TTC7A: variants seen among roughly 807,000 people sequenced by gnomAD.
TTC7A encodes the protein tetratricopeptide repeat protein 7A.
TTC7A carries 110 observed loss-of-function variants against 103.7 expected under a neutral mutation model. The observed-to-expected ratio is 1.06, with a 90% CI of 0.91 to 1.24. The LOEUF is 1.24. TTC7A is among the 50% of genes most tolerant of loss of function. The pLI is 0.00. For missense variants in TTC7A, 1,340 were observed against 1,116.3 expected, an observed-to-expected ratio of 1.20 and a Z score of -2.86; for synonymous variants, 521 against 467.9, an observed-to-expected ratio of 1.11 and a Z score of -1.47.
intron 19 of TTC7A, among the ~76,000 whole-genome samples, chr2:47,071,788 C>G (rs1270088950): frequency 6.6e-6 from 1 of 152,196 alleles, no homozygotes; most frequent in African/African-American, 2.4e-5. Flanking sequence ...TTCCCAAACA[C>G]CCACATACTT....
At chr2:46,922,934 C>A (rs1259676188) in intron 2 of TTC7A, among the ~76,000 whole-genome samples, 1 of 152,232 alleles carries the variant, frequency 6.6e-6, no homozygotes, top group African/African-American at 2.4e-5. Flanking sequence ...AAACATCTGA[C>A]TGAATAGCTT....
chr2:47,050,024 T>A lies in TTC7A; in HGVS notation c.1995T>A (p.Pro665=). The A allele has an allele frequency of 6.2e-7, 1 of 1,614,054 alleles. No individual in the cohort carries two copies. Among genetic ancestry groups the A allele is most frequent in the Non-Finnish European group, 8.5e-7 (1 of 1,179,930 alleles). Residue 665 remains proline (P), a synonymous_variant, in exon 17 of 20, where the codon CCT becomes CCA. Coordinates refer to ENST00000319190, the MANE Select transcript of TTC7A (RefSeq NM_020458.4). ...AGAGTGGCATGCACCTGACTTTGCC[T>A]GATGCCCATGATGCAGACTCTGGTA... is the stretch of plus-strand genomic sequence containing the variant. ...KKQSGMHLTL[P]DAHDADSGSR...
rs184730897 is a variant in TTC7A, at chr2:47,046,805, T to C, written c.1919+374T>C. 27 of 254,538 alleles carry C rather than the reference T, an allele frequency of 1.1e-4. No homozygotes were observed. In the East Asian group the frequency reaches 2.4e-3, roughly 23 times the overall value. 15.8% of individuals were successfully genotyped at this position (254,538 alleles called of 1,614,324 possible). ...AGGAAACTCAGACACAGAGACTTTA[T>C]ATATAGCTTACCAGAATCACTCGCC... On this transcript the variant is annotated intron_variant, in intron 16 of 19. Coordinates refer to ENST00000319190, the MANE Select transcript of TTC7A (RefSeq NM_020458.4).
intron 11 of TTC7A, among the ~76,000 whole-genome samples, chr2:47,013,600 T>G (rs1408174999): frequency 6.6e-6 from 1 of 152,198 alleles, no homozygotes; most frequent in African/African-American, 2.4e-5. Flanking sequence ...CGGCCGCCCT[T>G]GCCAGGAAGC....
intron 16 of TTC7A, chr2:47,046,755 A>G: frequency 6.5e-6 from 2 of 307,992 alleles, no homozygotes; most frequent in Non-Finnish European, 1.2e-5. Context: ...CTTATGCATT[A>G]TCAGATTTTA....
chr2:46,996,183 G>A (rs1218107991), intron 8 of TTC7A, among the ~76,000 whole-genome samples: 2 of 152,226 alleles, frequency 1.3e-5, no homozygotes, highest in African/African-American at 4.8e-5. Flanking sequence ...GTAAGATGAA[G>A]GATGGACTGG....
At chr2:46,981,718 A>G (rs1674484292) in intron 5 of TTC7A, among the ~76,000 whole-genome samples, 1 of 152,226 alleles carries the variant, frequency 6.6e-6, no homozygotes, top group Non-Finnish European at 1.5e-5. Flanking sequence ...TGGGACTGCC[A>G]GGGGAGCATT....
rs1012084662 is a variant in TTC7A at position 46,993,607 on chromosome 2, C to T, written c.843+79C>T. 230 of 1,404,454 alleles carry T rather than the reference C, an allele frequency of 1.6e-4. 1 individual carries two copies. The South Asian group carries it at 2.6e-3, about 16-fold the overall frequency. The allele number at this position is 1,404,454 out of a possible 1,614,324, so 87.0% of individuals were successfully genotyped here. On this transcript the variant is annotated intron_variant, in intron 6 of 19. Transcript: ENST00000319190. Reference sequence around the variant, plus strand: ...GACAACAGAAGTCCTTGCAGGGAGCCTGTGAAGCAGGGGTGGCAGTAGGTC... The same window carrying T: ...GACAACAGAAGTCCTTGCAGGGAGCTTGTGAAGCAGGGGTGGCAGTAGGTC...
rs144690060 is a variant in TTC7A at position 47,005,993 on chromosome 2, C to T, written c.1137C>T (p.Ala379=). ...ACCGGACAGTGAGCTTGCAGAATGC[C>T]GCAGCCATCTATGACCTCCTGAGCA... ...EEDRTVSLQN[A]AAIYDLLSIT... The change falls in exon 9 of 20, where the codon GCC becomes GCT. Residue 379 remains alanine, a synonymous_variant. Transcript: ENST00000319190. The T allele has an allele frequency of 7.9e-5, 127 of 1,613,780 alleles. No homozygotes were observed. In the African/African-American group the frequency reaches 1.3e-3, roughly 17 times the overall value.
At chr2:47,050,891 C>T (rs757102800) in intron 17 of TTC7A, 3 of 152,158 alleles carry the variant, frequency 2.0e-5, no homozygotes, top group African/African-American at 4.8e-5. Context: ...TGAAGTCATC[C>T]GTGGTTTGCC....
rs1369225268 is a variant in TTC7A at position 47,011,423 on chromosome 2, G to T, written c.1380G>T (p.Gly460=). Residue 460 remains glycine (G), a synonymous_variant, in exon 11 of 20, where the codon GGG becomes GGT. Transcript: ENST00000319190. Reference sequence around the variant, plus strand: ...TGATGGCCGCGAAGGTCTGCATCGGGTCCCTTCGCTGGGTGAGTGAGCTGT... The same window carrying T: ...TGATGGCCGCGAAGGTCTGCATCGGTTCCCTTCGCTGGGTGAGTGAGCTGT... ...VPLMAAKVCI[G]SLRWLEEAEH... 1 of 1,606,978 alleles carries T rather than the reference G, an allele frequency of 6.2e-7. No individual in the cohort carries two copies. Among genetic ancestry groups the T allele is most frequent in the Non-Finnish European group, 8.5e-7 (1 of 1,179,624 alleles).
intron 5 of TTC7A, among the ~76,000 whole-genome samples, chr2:46,986,206 A>T (rs1572820136): frequency 6.6e-6 from 1 of 152,022 alleles, no homozygotes; most frequent in East Asian, 1.9e-4. Context: ...GTCAGGCAGC[A>T]TTTTCTGCTG....
rs1679327755 is a variant in TTC7A, at chr2:47,021,894, G to T, written c.1425G>T (p.Val475=). The T allele has an allele frequency of 1.9e-6, 3 of 1,614,160 alleles. No individual in the cohort carries two copies. The highest frequency in any genetic ancestry group is 2.5e-6 in the Non-Finnish European group (3 of 1,179,996). ...LEEAEHFAMM[V]ISLGEEAGEF... The stretch of plus-strand genomic sequence containing the variant: ...AAGCAGAGCACTTTGCCATGATGGT[G>T]ATCAGCCTCGGAGAGGAAGCCGGGG... The change falls in exon 12 of 20, where the codon GTG becomes GTT. Residue 475 remains valine, a synonymous_variant. Transcript: ENST00000319190.
At chr2:46,958,392 G>A (rs1434427780) in intron 3 of TTC7A, 8 of 855,030 alleles carry the variant, frequency 9.4e-6, no homozygotes, top group East Asian at 6.2e-5. Context: ...AGCCATGGAC[G>A]CCCTGAGCGG....
intron 3 of TTC7A, among the ~76,000 whole-genome samples, chr2:46,973,969 G>A (rs1673607946): frequency 6.6e-6 from 1 of 152,174 alleles, no homozygotes; most frequent in Admixed American, 6.5e-5. Flanking sequence ...CTATCCTGGA[G>A]TCCAGTAGCC....
chr2:46,996,195 C>G (rs1006214061), intron 8 of TTC7A, among the ~76,000 whole-genome samples: 10 of 152,184 alleles, frequency 6.6e-5, no homozygotes, highest in African/African-American at 1.7e-4. Context: ...ATGGACTGGA[C>G]TGGTCCAAAG....
In TTC7A at chr2:47,005,965, A is replaced by G. The variant is rs1276261599; in HGVS notation, c.1109A>G (p.Glu370Gly). ...CTGAGCCGGGTGCCGGAGCAGGAGG[A>G]GGACCGGACAGTGAGCTTGCAGAAT... The part of the protein sequence containing the change: ...VVLSRVPEQE[E>G]DRTVSLQNAA... The change falls in exon 9 of 20, where the codon GAG becomes GGG. Residue 370 changes from glutamate (E) to glycine (G), a missense_variant. Coordinates refer to ENST00000319190, the MANE Select transcript of TTC7A (RefSeq NM_020458.4). The G allele has an allele frequency of 1.2e-6, 2 of 1,613,952 alleles. No individual in the cohort carries two copies. The highest frequency in any genetic ancestry group is 1.7e-6 in the Non-Finnish European group (2 of 1,180,030).
At chr2:47,040,108 G>T (rs1013356840) in intron 15 of TTC7A, among the ~76,000 whole-genome samples, 1 of 152,234 alleles carries the variant, frequency 6.6e-6, no homozygotes, top group African/African-American at 2.4e-5. Flanking sequence ...GTGAGGGGTG[G>T]CCGGTGTGGT....
chr2:47,002,217 C>T (rs561836512), intron 8 of TTC7A, among the ~76,000 whole-genome samples: 2 of 152,274 alleles, frequency 1.3e-5, no homozygotes, highest in South Asian at 4.1e-4. Context: ...GGTTTAAATC[C>T]TGGGATTAAA....
Sources: gnomAD v4.1 joint callset for allele counts (sites outside exome capture counted in the v4.1 genomes callset) on GRCh38, gnomAD v4.1.1 for gene constraint, MANE v1.5 for transcripts, NCBI Gene and HGNC (gene_info 2026-07-23, HGNC 2026-07-21) for gene names.